GRIP2: variants seen among roughly 807,000 people sequenced by gnomAD.
GRIP2 encodes glutamate receptor-interacting protein 2.
Under a neutral mutation model 108.3 loss-of-function variants are expected in GRIP2, and 58 were observed. The ratio of observed to expected loss-of-function variants is 0.54; its 90% CI spans 0.43 to 0.67. The LOEUF (loss-of-function observed/expected upper bound fraction) is 0.67, where lower values mean the gene tolerates loss of function less well. GRIP2 is among the 30% of genes least tolerant of loss of function. The pLI is 0.00. For missense variants in GRIP2, 1,278 were observed against 1,430.6 expected, an observed-to-expected ratio of 0.89 and a Z score of 1.72; for synonymous variants, 586 against 598.2, an observed-to-expected ratio of 0.98 and a Z score of 0.30.
intron 9 of GRIP2, among the ~76,000 whole-genome samples, chr3:14,518,135 C>T (rs538213228): frequency 1.3e-5 from 2 of 152,302 alleles, no homozygotes; most frequent in Admixed American, 6.5e-5. Flanking sequence ...GAAGCCAGGC[C>T]GAGGCCCACT....
chr3:14,565,109 G>C, the GRIP2 span, among the ~76,000 whole-genome samples: 1 of 152,150 alleles, frequency 6.6e-6, no homozygotes, highest in African/African-American at 2.4e-5. Context: ...GCTTTTCCAG[G>C]TCAGAAGTGG....
At chr3:14,585,459 C>T in the GRIP2 span, among the ~76,000 whole-genome samples, 8 of 152,340 alleles carry the variant, frequency 5.3e-5, no homozygotes, top group East Asian at 9.6e-4. Flanking sequence ...CCATTTCACA[C>T]GTAAAGGGCA....
upstream of GRIP2, among the ~76,000 whole-genome samples, chr3:14,556,972 C>A (rs578050760): frequency 6.6e-6 from 1 of 152,360 alleles, no homozygotes; most frequent in African/African-American, 2.4e-5. Flanking sequence ...CCATGAAAGC[C>A]CCTCTGATGA....
intron 1 of GRIP2, among the ~76,000 whole-genome samples, chr3:14,554,194 G>T (rs1277107219): frequency 6.6e-6 from 1 of 152,214 alleles, no homozygotes; most frequent in African/African-American, 2.4e-5. Flanking sequence ...AACTGAGGTT[G>T]AGTAGCCATC....
chr3:14,598,325 A>G, the GRIP2 span, among the ~76,000 whole-genome samples: 2 of 147,176 alleles, frequency 1.4e-5, no homozygotes, highest in Non-Finnish European at 3.0e-5. Flanking sequence ...GGGACACATC[A>G]GCTAGCTGGG....
chr3:14,598,524 C>T, the GRIP2 span, among the ~76,000 whole-genome samples: 5 of 152,262 alleles, frequency 3.3e-5, no homozygotes, highest in African/African-American at 1.2e-4. Flanking sequence ...TTCTCACCTC[C>T]ACCCCCTTAC....
Position 14,507,002 on chromosome 3 carries a change from A to T in GRIP2, c.2219-22T>A. The stretch of plus-strand genomic sequence containing the variant: ...GGACCTGGGAGGAGAGAGGGGTGTC[A>T]ATTCTGACTTCAGAGACACTCACAG... On this transcript the variant is annotated intron_variant, in intron 18 of 23. Coordinates refer to ENST00000621039, the MANE Select transcript of GRIP2 (RefSeq NM_001080423.4). This position sits in a 1 kb window ranked among gnomAD's most constrained non-coding sequence, Gnocchi z 4.6. 6.4e-7 allele frequency: 1 copy of T among 1,571,644 alleles called. No homozygotes were observed. Among genetic ancestry groups the T allele is most frequent in the South Asian group, 1.2e-5 (1 of 84,848 alleles).
At chr3:14,533,001 G>T (rs1694749587) in intron 1 of GRIP2, among the ~76,000 whole-genome samples, 2 of 152,268 alleles carry the variant, frequency 1.3e-5, no homozygotes, top group African/African-American at 4.8e-5. Context: ...CTTGCCAGCA[G>T]CTGATAAATA....
chr3:14,553,720 C>G (rs1317267017), intron 1 of GRIP2, among the ~76,000 whole-genome samples: 2 of 152,098 alleles, frequency 1.3e-5, no homozygotes. Flanking sequence ...GAAATGTTAC[C>G]CAGGCATCTT....
rs1296702547 is a variant in GRIP2, at chr3:14,526,065, G to A, written c.41-134C>T. ...TTCCCTCCTGCCACCAGCTCCACCC[G>A]ATTCTCTGCTGGAGAATCCTCACAG... On this transcript the variant is annotated intron_variant, in intron 1 of 23. Transcript: ENST00000621039. The A allele has an allele frequency of 2.9e-5, 21 of 727,608 alleles. 1 individual carries two copies. In the South Asian group the frequency reaches 3.0e-4, roughly 11 times the overall value. The allele number at this position is 727,608 out of a possible 1,614,324, so 45.1% of individuals were successfully genotyped here.
chr3:14,493,492 TG>T lies in GRIP2; in HGVS notation c.*172del. The T allele has an allele frequency of 2.5e-6, 2 of 797,292 alleles. No homozygotes were observed. The highest frequency in any genetic ancestry group is 2.0e-5 in the South Asian group (1 of 49,334). 49.4% of individuals were successfully genotyped at this position (797,292 alleles called of 1,614,324 possible). A position where few individuals can be genotyped will look rare whatever the true frequency, so the allele number is the denominator to read the frequency against. On this transcript the variant is annotated 3_prime_UTR_variant, in exon 24 of 24. Coordinates refer to ENST00000621039, the MANE Select transcript of GRIP2 (RefSeq NM_001080423.4). ...CCAACTAGGGCAGGACCTCCCTGCC[TG>T]GCACCCCAGTCACCACAGACCTGGG...
the GRIP2 span, among the ~76,000 whole-genome samples, chr3:14,562,581 TAATAAGGG>T: frequency 6.6e-6 from 1 of 152,314 alleles, no homozygotes; most frequent in East Asian, 1.9e-4. Flanking sequence ...TAGGAGGCCC[TAATAAGGG>T]AAAGGCATCC....
chr3:14,496,099 C>A (rs199643383), intron 22 of GRIP2, among the ~76,000 whole-genome samples: 1 of 152,046 alleles, frequency 6.6e-6, no homozygotes, highest in African/African-American at 2.4e-5. Context: ...GAGCCATGAT[C>A]GAGCAACTGC....
At position 14,525,881 on chromosome 3, in the gene GRIP2, A is replaced by C; in HGVS notation, c.91T>G (p.Ser31Ala). Residue 31 changes from serine (S) to alanine (A), a missense_variant, in exon 2 of 24, where the codon TCC becomes GCC. By Grantham distance (99) the Ser-to-Ala change is moderately conservative. Coordinates refer to ENST00000621039, the MANE Select transcript of GRIP2 (RefSeq NM_001080423.4). ...ATGCTCTGTCTGCGGCACGCCAGGG[A>C]AACGTCGGCCCCTCCTGCGTCCTTG... ...GGKDAGGADV[S>A]LACRRQSIPE... The C allele has an allele frequency of 6.4e-7, 1 of 1,560,834 alleles. No individual in the cohort carries two copies. Among genetic ancestry groups the C allele is most frequent in the African/African-American group, 1.4e-5 (1 of 73,432 alleles).
intron 20 of GRIP2, chr3:14,504,008 T>G: frequency 3.1e-6 from 1 of 319,002 alleles, no homozygotes. Flanking sequence ...AGATCCATGG[T>G]GTAGTCCCAG....
chr3:14,556,650 G>A (rs1007481340), upstream of GRIP2, among the ~76,000 whole-genome samples: 2 of 152,200 alleles, frequency 1.3e-5, no homozygotes, highest in Admixed American at 6.5e-5. Context: ...ACTATAACAC[G>A]TAGCATGGGG....
intron 1 of GRIP2, among the ~76,000 whole-genome samples, chr3:14,538,261 G>T (rs1049426522): frequency 4.3e-4 from 66 of 152,198 alleles, no homozygotes; most frequent in Admixed American, 4.3e-3. Flanking sequence ...ACCAGCAACA[G>T]GGGAGGTCAC....
At chr3:14,592,247 G>C in the GRIP2 span, among the ~76,000 whole-genome samples, 2 of 152,210 alleles carry the variant, frequency 1.3e-5, no homozygotes, top group Non-Finnish European at 2.9e-5. Context: ...ATGACAGATA[G>C]GACCATGCAG....
At chr3:14,555,261 C>T (rs1316311558) in intron 1 of GRIP2, among the ~76,000 whole-genome samples, 1 of 152,104 alleles carries the variant, frequency 6.6e-6, no homozygotes, top group African/African-American at 2.4e-5. Flanking sequence ...GCCCCTCGCT[C>T]CCTCCCACCC....
Sources: gnomAD v4.1 joint callset for allele counts (sites outside exome capture counted in the v4.1 genomes callset) on GRCh38, gnomAD v4.1.1 for gene constraint, Gnocchi (gnomAD v3.1) non-coding constraint, MANE v1.5 for transcripts, NCBI Gene and HGNC (gene_info 2026-07-23, HGNC 2026-07-21) for gene names.